ACO2: variants seen among roughly 807,000 people sequenced by gnomAD.
ACO2 encodes aconitate hydratase, mitochondrial.
A neutral mutation model predicts 84.5 loss-of-function variants in ACO2; 31 were observed. That is an observed-to-expected ratio of 0.37 (90% CI 0.28 to 0.50). ACO2 has a LOEUF of 0.50. Among genes scored for constraint, ACO2 ranks in the 20% least tolerant of loss-of-function variants. The pLI is 0.97. For missense variants in ACO2, 685 were observed against 1,029.3 expected, an observed-to-expected ratio of 0.67 and a Z score of 4.58; for synonymous variants, 414 against 412.7, an observed-to-expected ratio of 1.00 and a Z score of -0.04.
chr22:41,525,802 T>C (rs986539462), intron 14 of ACO2: 2 of 205,328 alleles, frequency 9.7e-6, no homozygotes, highest in Non-Finnish European at 2.0e-5. Flanking sequence ...ACAAGCCTTT[T>C]TGGTGTGGCC....
At chr22:41,510,413 G>A (rs1269998315) in intron 3 of ACO2, among the ~76,000 whole-genome samples, 3 of 152,198 alleles carry the variant, frequency 2.0e-5, no homozygotes. Context: ...ATTATTAATT[G>A]GAAAGAGACT....
In ACO2 at chr22:41,528,552, C is replaced by T. The variant is rs142767544; in HGVS notation, c.2282C>T (p.Thr761Met). 82 of 1,613,128 alleles carry T rather than the reference C, an allele frequency of 5.1e-5. No individual in the cohort carries two copies. The highest frequency in any genetic ancestry group is 2.4e-4 in the African/African-American group (18 of 74,900). ...TILLNHTFNE[T>M]QIEWFRAGSA... is the part of the protein sequence containing the mutation. ...CTCCTGAACCACACCTTCAACGAGA[C>T]GCAGATTGAGTGGTTCCGCGCTGGC... The change falls in exon 18 of 18, where the codon ACG becomes ATG. Residue 761 changes from threonine to methionine, a missense_variant. By Grantham distance (81) the Thr-to-Met change is moderately conservative (BLOSUM62 -1). Around this residue, in one of 5 missense-constraint regions of ACO2, gnomAD observed 174 missense variants for 236.6 expected, o/e 0.74. Coordinates refer to ENST00000216254, the MANE Select transcript of ACO2 (RefSeq NM_001098.3).
chr22:41,495,570 A>T (rs777751915), intron 1 of ACO2, among the ~76,000 whole-genome samples: 1 of 151,858 alleles, frequency 6.6e-6, no homozygotes, highest in Non-Finnish European at 1.5e-5. Context: ...TAAGATTACA[A>T]TGTATTGTCT....
At chr22:41,485,607 A>AT (rs1008974811) in intron 1 of ACO2, among the ~76,000 whole-genome samples, 1 of 150,248 alleles carries the variant, frequency 6.7e-6, no homozygotes, top group African/African-American at 2.4e-5. Context: ...CGCCCGGCAA[A>AT]TTTTTTTTTG....
At chr22:41,525,523 C>T (rs189273670) in intron 14 of ACO2, among the ~76,000 whole-genome samples, 175 bp downstream of exon 14, 3 of 152,344 alleles carry the variant, frequency 2.0e-5, no homozygotes, top group Admixed American at 6.5e-5. Flanking sequence ...CCAGCGTCCC[C>T]CTTCTCTGTG....
intron 3 of ACO2, among the ~76,000 whole-genome samples, chr22:41,508,429 C>A (rs564196197): frequency 6.6e-6 from 1 of 152,170 alleles, no homozygotes; most frequent in Non-Finnish European, 1.5e-5. Context: ...CACCCACTCC[C>A]GCTCTCCTCT....
intron 1 of ACO2, chr22:41,469,582 A>G (rs1014768152): frequency 3.7e-5 from 7 of 190,562 alleles, no homozygotes; most frequent in African/African-American, 1.4e-4. Flanking sequence ...CTCACTTCCC[A>G]TCTCTTAGCA....
intron 2 of ACO2, among the ~76,000 whole-genome samples, chr22:41,501,281 C>T (rs543482503): frequency 1.8e-4 from 28 of 152,278 alleles, no homozygotes; most frequent in African/African-American, 6.0e-4. Context: ...GGATTACAGG[C>T]GCGAGCCATG....
At chr22:41,471,781 G>A (rs1337556961) in intron 1 of ACO2, among the ~76,000 whole-genome samples, 1 of 152,184 alleles carries the variant, frequency 6.6e-6, no homozygotes, top group Non-Finnish European at 1.5e-5. Flanking sequence ...TGTGAGATGA[G>A]GCAGGCCTAT....
intron 12 of ACO2, among the ~76,000 whole-genome samples, 187 bp downstream of exon 12, chr22:41,524,128 GAT>G (rs929831418): frequency 5.3e-5 from 8 of 152,162 alleles, no homozygotes; most frequent in African/African-American, 1.9e-4. Flanking sequence ...GGGATTATGA[GAT>G]ATTTATACAG....
rs544993504 is a variant in ACO2, at chr22:41,487,242, A to G, written c.37-12484A>G. The stretch of plus-strand genomic sequence containing the variant: ...TGCACATGCTGTTCTCTCTGTGCCA[A>G]ATTCCCTGGACTCCTTCCCCTAAAG... On this transcript the variant is annotated intron_variant, in intron 1 of 17. Transcript: ENST00000216254. 7.9e-5 allele frequency among the ~76,000 whole-genome samples: 12 copies of G among 152,078 alleles called. No homozygotes were observed. In the East Asian group the frequency reaches 2.1e-3, roughly 27 times the overall value.
chr22:41,482,519 G>A (rs1040249100), intron 1 of ACO2, among the ~76,000 whole-genome samples: 5 of 152,230 alleles, frequency 3.3e-5, no homozygotes, highest in African/African-American at 1.2e-4. Flanking sequence ...CTGGCTACTG[G>A]TCACCCTGAT....
chr22:41,491,554 A>G (rs890440506), intron 1 of ACO2, among the ~76,000 whole-genome samples: 17 of 152,300 alleles, frequency 1.1e-4, no homozygotes, highest in African/African-American at 4.1e-4. Flanking sequence ...GGAAAATGCT[A>G]ATCAGCCACA....
intron 3 of ACO2, 23 bp downstream of exon 3, chr22:41,508,072 GGTGGGCAA>G: frequency 6.3e-7 from 1 of 1,598,294 alleles, no homozygotes; most frequent in Non-Finnish European, 8.6e-7. Flanking sequence ...TGGCTTTGGG[GGTGGGCAA>G]GTGGGCAAGA....
Position 41,507,664 on chromosome 22 carries a change from G to C in ACO2, c.174-127G>C, listed in dbSNP as rs1371959117. On this transcript the variant is annotated intron_variant, in intron 2 of 17. Coordinates refer to ENST00000216254, the MANE Select transcript of ACO2 (RefSeq NM_001098.3). ...AGTCCCCACCCAAGTGGAACGTTGA[G>C]GTCCTGAGTTCAGACTCCCTGTCCC... 5.3e-6 allele frequency: 7 copies of C among 1,325,724 alleles called. No individual in the cohort carries two copies. The Admixed American group carries it at 1.7e-4, about 33-fold the overall frequency. 82.1% of individuals were successfully genotyped at this position (1,325,724 alleles called of 1,614,324 possible).
At chr22:41,479,648 C>T (rs2038064544) in intron 1 of ACO2, among the ~76,000 whole-genome samples, 1 of 152,192 alleles carries the variant, frequency 6.6e-6, no homozygotes, top group African/African-American at 2.4e-5. Flanking sequence ...CTGCCCTAAA[C>T]ACCAGTGAGG....
At position 41,526,095 on chromosome 22, in the gene ACO2, G is replaced by C. The variant is rs1361842072; in HGVS notation, c.1762-167G>C. ...CCTGGCCTGAGCCCATGTGGCCTTA[G>C]GGTGGAAGCACCAGGACCACAGAAC... On this transcript the variant is annotated intron_variant, in intron 14 of 17. Transcript: ENST00000216254. The C allele has an allele frequency of 1.2e-5, 7 of 607,110 alleles. No homozygotes were observed. In the South Asian group the frequency reaches 1.3e-4, roughly 11 times the overall value. The allele number at this position is 607,110 out of a possible 1,614,324, so 37.6% of individuals were successfully genotyped here.
rs919948291 is a variant in ACO2, at chr22:41,526,179, C to G, written c.1762-83C>G. ...CTGTCACCCCTCCTGGGCCCCGGGG[C>G]CTGCTGCCTGCCTCTGGAGGGCTTG... is the stretch of plus-strand genomic sequence containing the variant. On this transcript the variant is annotated intron_variant, in intron 14 of 17. Coordinates refer to ENST00000216254, the MANE Select transcript of ACO2 (RefSeq NM_001098.3). 4.7e-6 allele frequency: 6 copies of G among 1,282,972 alleles called. No individual in the cohort carries two copies. In the Admixed American group the frequency reaches 9.1e-5, roughly 20 times the overall value. The allele number at this position is 1,282,972 out of a possible 1,614,324, so 79.5% of individuals were successfully genotyped here.
At chr22:41,479,728 A>G (rs1355544589) in intron 1 of ACO2, among the ~76,000 whole-genome samples, 1 of 152,248 alleles carries the variant, frequency 6.6e-6, no homozygotes, top group Non-Finnish European at 1.5e-5. Flanking sequence ...GCTTCAGCTC[A>G]GCCTCACAGG....
Sources: gnomAD v4.1 joint callset for allele counts (sites outside exome capture counted in the v4.1 genomes callset) on GRCh38, gnomAD v4.1.1 for gene constraint, gnomAD v4.1.1 regional missense constraint, MANE v1.5 for transcripts, NCBI Gene and HGNC (gene_info 2026-07-23, HGNC 2026-07-21) for gene names.